LHFPL3: variants seen among roughly 807,000 people sequenced by gnomAD.
The protein encoded by LHFPL3 is LHFPL tetraspan subfamily member 3, also known as LHFPL tetraspan subfamily member 3 protein.
LHFPL3 carries 5 observed loss-of-function variants against 19.3 expected under a neutral mutation model. The observed-to-expected ratio is 0.26, with a 90% CI of 0.14 to 0.54. LHFPL3 has a LOEUF of 0.54. LHFPL3 is among the 20% of genes least tolerant of loss of function. LHFPL3 has a pLI of 0.94. For synonymous variants in LHFPL3, 133 were observed against 126.2 expected (o/e 1.05, Z -0.36); for missense variants, 249 against 307.4 (o/e 0.81, Z 1.42).
chr7:104,349,092 A>C (rs1445867035), intron 1 of LHFPL3, among the ~76,000 whole-genome samples: 1 of 152,158 alleles, frequency 6.6e-6, no homozygotes, highest in East Asian at 1.9e-4. Context: ...AGACAAAAAC[A>C]CAAGACATTT....
chr7:104,655,964 G>A (rs73713026), intron 1 of LHFPL3, among the ~76,000 whole-genome samples: 1,868 of 152,148 alleles, frequency 0.012, 35 homozygotes, highest in African/African-American at 0.043. Flanking sequence ...AAAATGACTC[G>A]TAGGGCTTTT....
rs146828713 is a variant in LHFPL3 at position 104,423,616 on chromosome 7, A to G, written c.445+94392A>G. Among the ~76,000 whole-genome samples the G allele has an allele frequency of 1.1e-3, 164 of 152,330 alleles. 1 individual carries two copies. The highest frequency in any genetic ancestry group is 3.7e-3 in the African/African-American group (154 of 41,574). ...GTCAAGGCTGCAGTGAGCCGTGATC[A>G]TGCCACTGCACTCAGCCTGGGTGAC... is the stretch of plus-strand genomic sequence containing the variant. On this transcript the variant is annotated intron_variant, in intron 1 of 2. Coordinates refer to ENST00000424859, the MANE Select transcript of LHFPL3 (RefSeq NM_199000.3).
At chr7:104,606,622 C>T (rs1314519130) in intron 1 of LHFPL3, among the ~76,000 whole-genome samples, 1 of 152,084 alleles carries the variant, frequency 6.6e-6, no homozygotes, top group African/African-American at 2.4e-5. Flanking sequence ...AATTGGCCAA[C>T]AGGTTTTTCC....
chr7:104,525,257 A>C (rs1794164300), intron 1 of LHFPL3, among the ~76,000 whole-genome samples: 1 of 152,246 alleles, frequency 6.6e-6, no homozygotes, highest in Admixed American at 6.5e-5. Flanking sequence ...CTGTGTCTAC[A>C]TGTACTTATT....
chr7:104,614,581 T>TCTCTA (rs1185476838), intron 1 of LHFPL3, among the ~76,000 whole-genome samples: 31 of 143,890 alleles, frequency 2.2e-4, no homozygotes, highest in Non-Finnish European at 3.5e-4. Context: ...AGCCTCCTCT[T>TCTCTA]CTCTTCTCTC....
chr7:104,869,425 A>G (rs1200788221), intron 2 of LHFPL3, among the ~76,000 whole-genome samples: 16 of 152,280 alleles, frequency 1.1e-4, no homozygotes, highest in South Asian at 2.1e-4. Flanking sequence ...CAAAAAGTGG[A>G]CAAAGGATAT....
intron 1 of LHFPL3, among the ~76,000 whole-genome samples, chr7:104,440,599 A>G (rs1272282713): frequency 6.6e-6 from 1 of 152,054 alleles, no homozygotes; most frequent in Non-Finnish European, 1.5e-5. Flanking sequence ...AAAGCTATAA[A>G]CTCATCATAC....
intron 1 of LHFPL3, among the ~76,000 whole-genome samples, chr7:104,709,332 A>AAC (rs1446948436): frequency 7.6e-6 from 1 of 132,190 alleles, no homozygotes; most frequent in Non-Finnish European, 1.7e-5. Flanking sequence ...TCAGCAGATA[A>AAC]ACACGTGAAC....
intron 1 of LHFPL3, among the ~76,000 whole-genome samples, chr7:104,728,341 T>C (rs554001136): frequency 3.9e-5 from 6 of 152,286 alleles, no homozygotes; most frequent in African/African-American, 1.4e-4. Flanking sequence ...ATGGCCCTGA[T>C]AGTCACAGAA....
intron 1 of LHFPL3, among the ~76,000 whole-genome samples, chr7:104,571,025 G>T (rs1454078858): frequency 6.6e-6 from 1 of 152,112 alleles, no homozygotes; most frequent in Non-Finnish European, 1.5e-5. Flanking sequence ...GGTAAAAAGA[G>T]CTTTTTTGGA....
chr7:104,417,003 C>T (rs1791635190), intron 1 of LHFPL3, among the ~76,000 whole-genome samples: 1 of 152,234 alleles, frequency 6.6e-6, no homozygotes, highest in Non-Finnish European at 1.5e-5. Flanking sequence ...TACCTGGTGG[C>T]CGAATCCCTT....
chr7:104,437,584 G>C (rs1377136070), intron 1 of LHFPL3, among the ~76,000 whole-genome samples: 1 of 152,162 alleles, frequency 6.6e-6, no homozygotes, highest in African/African-American at 2.4e-5. Context: ...GTCTGACTTA[G>C]CTACGAATCA....
chr7:104,488,180 C>T (rs1044061187), intron 1 of LHFPL3, among the ~76,000 whole-genome samples: 1 of 152,128 alleles, frequency 6.6e-6, no homozygotes, highest in African/African-American at 2.4e-5. Context: ...CTGCTTGGCA[C>T]CTCTTCAGTC....
At chr7:104,396,502 C>T (rs1014281527) in intron 1 of LHFPL3, among the ~76,000 whole-genome samples, 1 of 151,892 alleles carries the variant, frequency 6.6e-6, no homozygotes, top group African/African-American at 2.4e-5. Flanking sequence ...ATGCTGGGTT[C>T]CTCAAGGAAA....
chr7:104,385,941 A>C (rs1188173102), intron 1 of LHFPL3, among the ~76,000 whole-genome samples: 2 of 144,410 alleles, frequency 1.4e-5, no homozygotes, highest in African/African-American at 2.6e-5. Flanking sequence ...AAACATTGGC[A>C]AAAAAAAAAA....
intron 1 of LHFPL3, among the ~76,000 whole-genome samples, chr7:104,713,616 A>G (rs985165260): frequency 5.3e-5 from 8 of 152,212 alleles, no homozygotes; most frequent in African/African-American, 1.9e-4. Flanking sequence ...ACTGAGGATT[A>G]CAATTCAATG....
At chr7:104,415,948 G>A (rs1490015444) in intron 1 of LHFPL3, among the ~76,000 whole-genome samples, 1 of 152,140 alleles carries the variant, frequency 6.6e-6, no homozygotes, top group Non-Finnish European at 1.5e-5. Flanking sequence ...ACTGGCATGG[G>A]TCAGTACATA....
intron 2 of LHFPL3, among the ~76,000 whole-genome samples, chr7:104,848,542 C>T (rs1791356176): frequency 6.6e-6 from 1 of 152,038 alleles, no homozygotes; most frequent in South Asian, 2.1e-4. Flanking sequence ...TCTTGCAGGT[C>T]CTTCTTTGCC....
intron 1 of LHFPL3, among the ~76,000 whole-genome samples, chr7:104,456,486 A>C (rs1415353996): frequency 6.6e-6 from 1 of 152,178 alleles, no homozygotes; most frequent in Non-Finnish European, 1.5e-5. Flanking sequence ...ATAGTACCAA[A>C]CCCAATATAA....
Sources: allele counts gnomAD v4.1 joint callset (sites outside exome capture counted in the v4.1 genomes callset), GRCh38; gene constraint gnomAD v4.1.1; transcripts MANE v1.5; gene names NCBI Gene and HGNC (gene_info 2026-07-23, HGNC 2026-07-21).